AFAP1: variants seen among roughly 807,000 people sequenced by gnomAD.
The protein encoded by AFAP1 is actin filament-associated protein 1.
In AFAP1, 75 loss-of-function variants were observed where a neutral mutation model predicts 93.9. That is an observed-to-expected ratio of 0.80 (90% CI 0.66 to 0.97). The LOEUF (loss-of-function observed/expected upper bound fraction) is 0.97, where lower values mean the gene tolerates loss of function less well. Ranked by LOEUF, AFAP1 falls within the 50% of genes least tolerant of loss-of-function variation. The pLI is 0.00. For missense variants in AFAP1, 1,201 were observed against 1,050.8 expected (o/e 1.14, Z -1.98); for synonymous variants, 517 against 430.7 (o/e 1.20, Z -2.48).
chr4:7,786,523 C>T (rs55689818), intron 11 of AFAP1, among the ~76,000 whole-genome samples: 26,744 of 152,116 alleles, frequency 0.18, 2,791 homozygotes, highest in African/African-American at 0.28. Flanking sequence ...TGCAGAACTG[C>T]GGCACAGATC....
intron 1 of AFAP1, among the ~76,000 whole-genome samples, chr4:7,880,576 C>T (rs1052444861): frequency 6.6e-6 from 1 of 152,218 alleles, no homozygotes; most frequent in African/African-American, 2.4e-5. Context: ...CCGCACCCGG[C>T]CCAAATGCCT....
chr4:7,856,730 T>TC (rs1157018469), intron 3 of AFAP1, among the ~76,000 whole-genome samples: 2 of 152,134 alleles, frequency 1.3e-5, no homozygotes, highest in Non-Finnish European at 2.9e-5. Flanking sequence ...CCCCAGCCTC[T>TC]CCCTCCTAAG....
intron 6 of AFAP1, among the ~76,000 whole-genome samples, chr4:7,829,511 A>T (rs1422918385): frequency 6.6e-6 from 1 of 152,240 alleles, no homozygotes; most frequent in Non-Finnish European, 1.5e-5. Context: ...AGAACTCCTT[A>T]AAAAGAGAAT....
At chr4:7,930,828 G>A (rs550061102) in intron 1 of AFAP1, among the ~76,000 whole-genome samples, 1 of 152,250 alleles carries the variant, frequency 6.6e-6, no homozygotes, top group East Asian at 1.9e-4. Flanking sequence ...TCAGCTCACT[G>A]CAACCTCCAC....
chr4:7,887,874 T>C (rs896234032), intron 1 of AFAP1, among the ~76,000 whole-genome samples: 1 of 152,084 alleles, frequency 6.6e-6, no homozygotes, highest in Admixed American at 6.5e-5. Flanking sequence ...TTGCCCAGGC[T>C]AGAGTGCAGT....
intron 1 of AFAP1, among the ~76,000 whole-genome samples, chr4:7,907,741 A>G (rs1016904201): frequency 2.0e-5 from 3 of 152,234 alleles, no homozygotes; most frequent in African/African-American, 7.2e-5. Context: ...AAATCCAAAA[A>G]TGTAAAAAAA....
intron 1 of AFAP1, among the ~76,000 whole-genome samples, chr4:7,919,160 G>C (rs1465940094): frequency 6.6e-6 from 1 of 152,186 alleles, no homozygotes; most frequent in African/African-American, 2.4e-5. Context: ...CCGGCCCCCG[G>C]AAAGGGAATC....
chr4:7,807,044 G>A (rs984772385), intron 9 of AFAP1, among the ~76,000 whole-genome samples: 2 of 152,162 alleles, frequency 1.3e-5, no homozygotes, highest in Admixed American at 1.3e-4. Context: ...TTCTCAGCTC[G>A]CTGTGTGGCT....
At chr4:7,924,496 T>C (rs1306738408) in intron 1 of AFAP1, among the ~76,000 whole-genome samples, 1 of 152,184 alleles carries the variant, frequency 6.6e-6, no homozygotes, top group Non-Finnish European at 1.5e-5. Context: ...GATTTCCTAT[T>C]TTAAATCTTC....
At chr4:7,918,925 G>A (rs57082038) in intron 1 of AFAP1, among the ~76,000 whole-genome samples, 20,305 of 71,250 alleles carry the variant, frequency 0.28, 3,422 homozygotes, top group East Asian at 0.54. Context: ...CAGGGCTGCC[G>A]GATGAGACAC....
chr4:7,915,126 T>G (rs1456972013), intron 1 of AFAP1, among the ~76,000 whole-genome samples: 2 of 152,162 alleles, frequency 1.3e-5, no homozygotes, highest in Non-Finnish European at 2.9e-5. Flanking sequence ...TCCGGTGATC[T>G]GCCCGCCTCG....
intron 1 of AFAP1, among the ~76,000 whole-genome samples, chr4:7,887,946 C>T (rs1718227104): frequency 6.6e-6 from 1 of 152,152 alleles, no homozygotes; most frequent in African/African-American, 2.4e-5. Context: ...CCTGCCTCAG[C>T]CTCCCAAGTA....
Position 7,811,738 on chromosome 4 carries a change from C to G in AFAP1, c.905-1975G>C, listed in dbSNP as rs1577240357. Among the ~76,000 whole-genome samples the G allele has an allele frequency of 2.0e-5, 3 of 152,288 alleles. 1 individual carries two copies. In the East Asian group the frequency reaches 5.8e-4, roughly 30 times the overall value. Reference sequence around the variant, plus strand: ...GGAGGAAGACAGCCCTCGCTAGACACCAACCCTGGCGGCACCCGGGTCTTG... The same window carrying G: ...GGAGGAAGACAGCCCTCGCTAGACAGCAACCCTGGCGGCACCCGGGTCTTG... On this transcript the variant is annotated intron_variant, in intron 8 of 17. Coordinates refer to ENST00000420658, the MANE Select transcript of AFAP1 (RefSeq NM_001134647.2).
intron 4 of AFAP1, among the ~76,000 whole-genome samples, chr4:7,853,514 C>T (rs1714694573): frequency 6.6e-6 from 1 of 152,150 alleles, no homozygotes; most frequent in African/African-American, 2.4e-5. Context: ...CCCTCCTCTT[C>T]CCCAGTCCTC....
chr4:7,919,007 CGGAT>C (rs1720282041), intron 1 of AFAP1, among the ~76,000 whole-genome samples: 1 of 37,516 alleles, frequency 2.7e-5, no homozygotes, highest in African/African-American at 2.4e-4. Flanking sequence ...AACAGGGCTG[CGGAT>C]GAGACACTCG....
rs200148842 is a variant in AFAP1, at chr4:7,800,702, G to A, written c.1055-49C>T. 2.0e-5 allele frequency: 32 copies of A among 1,598,460 alleles called. 1 individual carries two copies. Among genetic ancestry groups the A allele is most frequent in the South Asian group, 1.1e-4 (10 of 90,164 alleles). ...TCAGCCGCCTCGGACAAGACCAGGCGAGGTGAAGACGTCTAGGGTCACACT... is the reference window on the plus strand; with the variant it reads ...TCAGCCGCCTCGGACAAGACCAGGCAAGGTGAAGACGTCTAGGGTCACACT... On this transcript the variant is annotated intron_variant, in intron 9 of 17. Transcript: ENST00000420658.
Position 7,768,863 on chromosome 4 carries a change from T to C in AFAP1, c.2399A>G (p.His800Arg). ...AAPGSSPCRG[H>R]VLRKAKEWEL... ...GCTTACCTTGGCCTTCCGCAGCACATGCCCTCGGCAGGGGGAGCTGCCCGG... is the reference window on the plus strand; with the variant it reads ...GCTTACCTTGGCCTTCCGCAGCACACGCCCTCGGCAGGGGGAGCTGCCCGG... The change falls in exon 17 of 18, where the codon CAT becomes CGT. Residue 800 changes from histidine (H) to arginine (R), a missense_variant. Transcript: ENST00000420658. 6.2e-7 allele frequency: 1 copy of C among 1,604,590 alleles called. No individual in the cohort carries two copies. The highest frequency in any genetic ancestry group is 8.5e-7 in the Non-Finnish European group (1 of 1,173,078).
chr4:7,852,966 G>C (rs1714627522), intron 4 of AFAP1, among the ~76,000 whole-genome samples: 1 of 152,158 alleles, frequency 6.6e-6, no homozygotes, highest in African/African-American at 2.4e-5. Flanking sequence ...CGGGGAGTTG[G>C]GGAATTTCCC....
chr4:7,817,910 T>C (rs1333300128), intron 7 of AFAP1, among the ~76,000 whole-genome samples: 4 of 152,162 alleles, frequency 2.6e-5, no homozygotes, highest in African/African-American at 9.7e-5. Context: ...AATGAGTGAC[T>C]TTTTTCATCC....
Sources: allele counts gnomAD v4.1 joint callset (sites outside exome capture counted in the v4.1 genomes callset), GRCh38; gene constraint gnomAD v4.1.1; transcripts MANE v1.5; gene names NCBI Gene and HGNC (gene_info 2026-07-23, HGNC 2026-07-21).